The following CAMSAP2 variants were observed in gnomAD, a reference collection of about 807,000 sequenced individuals.
CAMSAP2 encodes the protein calmodulin regulated spectrin associated protein family member 2.
In CAMSAP2, 26 loss-of-function variants were observed where a neutral mutation model predicts 146.1. That is an observed-to-expected ratio of 0.18 (90% CI 0.13 to 0.25). The LOEUF (loss-of-function observed/expected upper bound fraction) is 0.25. Ranked by LOEUF, CAMSAP2 falls within the 10% of genes least tolerant of loss-of-function variation. The pLI is 1.00. For synonymous variants in CAMSAP2, 499 were observed against 596.6 expected (o/e 0.84, Z 2.38); for missense variants, 1,381 against 1,759.3 (o/e 0.78, Z 3.85).
At chr1:200,815,747 T>G (rs1666465380) in intron 4 of CAMSAP2, 103 bp downstream of exon 4, 2 of 538,080 alleles carry the variant, frequency 3.7e-6, no homozygotes, top group African/African-American at 3.9e-5. Context: ...AAATTATTTT[T>G]TAGTGGTGTT....
chr1:200,857,395 A>C lies in CAMSAP2; in HGVS notation c.4102A>C (p.Asn1368His). 1 of 1,613,278 alleles carries C rather than the reference A, an allele frequency of 6.2e-7. No homozygotes were observed. Among genetic ancestry groups the C allele is most frequent in the Non-Finnish European group, 8.5e-7 (1 of 1,179,330 alleles). The change falls in exon 16 of 17, where the codon AAT (asparagine) becomes CAT (histidine). Residue 1368 changes from asparagine (N) to histidine (H), a missense_variant. Transcript: ENST00000358823. The surrounding 1 kb of genome is among the most constrained non-coding windows in gnomAD (Gnocchi z 4.7). ...TCATTGCTGTTTGGCTGGAAAAGTA[A>C]ATGAAGGTCAGAAGAAAAAAATACT... ...LAHCCLAGKV[N>H]EGQKKKILEE...
At chr1:200,854,201 C>T (rs1667693663) in intron 13 of CAMSAP2, among the ~76,000 whole-genome samples, 1 of 152,056 alleles carries the variant, frequency 6.6e-6, no homozygotes, top group Admixed American at 6.6e-5. Flanking sequence ...AGGCTGGTCT[C>T]GAACTCTTGG....
At chr1:200,750,573 A>ATG (rs145051907) in intron 1 of CAMSAP2, among the ~76,000 whole-genome samples, 27,462 of 146,598 alleles carry the variant, frequency 0.19, 3,145 homozygotes, top group East Asian at 0.35. Context: ...AAATGCCTGT[A>ATG]TGTGTGTGTG....
At chr1:200,790,977 T>A (rs1481690754) in intron 2 of CAMSAP2, among the ~76,000 whole-genome samples, 3 of 152,122 alleles carry the variant, frequency 2.0e-5, no homozygotes, top group Non-Finnish European at 4.4e-5. Flanking sequence ...CCCAAATAGC[T>A]GGGATTACAG....
chr1:200,754,235 G>C (rs930292790), intron 1 of CAMSAP2, among the ~76,000 whole-genome samples: 1 of 152,176 alleles, frequency 6.6e-6, no homozygotes, highest in African/African-American at 2.4e-5. Flanking sequence ...AGTTTGATAA[G>C]GTTCAAGTTA....
At chr1:200,757,010 G>T (rs1052845022) in intron 1 of CAMSAP2, among the ~76,000 whole-genome samples, 1 of 152,038 alleles carries the variant, frequency 6.6e-6, no homozygotes, top group Non-Finnish European at 1.5e-5. Context: ...GTACTATGAA[G>T]TTTTAAATGT....
chr1:200,847,270 C>A lies in CAMSAP2; in HGVS notation c.1170C>A (p.Pro390=). 6.2e-7 allele frequency: 1 copy of A among 1,611,798 alleles called. No individual in the cohort carries two copies. Among genetic ancestry groups the A allele is most frequent in the Non-Finnish European group, 8.5e-7 (1 of 1,178,742 alleles). ...HHHLPSRYSR[P]QAHSSASGGI... is the part of the protein sequence containing the mutation. ...ATTTGCCTTCTAGGTATTCACGTCC[C>A]CAGGCTCATTCTTCAGCCTCAGGTA... is the stretch of plus-strand genomic sequence containing the variant. The change falls in exon 9 of 17, where the codon CCC becomes CCA. Residue 390 remains proline, a synonymous_variant. Transcript: ENST00000358823.
At chr1:200,780,643 G>T (rs1394118253) in intron 2 of CAMSAP2, among the ~76,000 whole-genome samples, 1 of 152,128 alleles carries the variant, frequency 6.6e-6, no homozygotes, top group African/African-American at 2.4e-5. Context: ...TGCTAATATG[G>T]TAGTTGCTTG....
chr1:200,841,670 C>T (rs933717041), intron 6 of CAMSAP2, among the ~76,000 whole-genome samples: 2 of 152,092 alleles, frequency 1.3e-5, no homozygotes, highest in African/African-American at 4.8e-5. Context: ...GATTGAATAA[C>T]TTTTTAAGTT....
At chr1:200,774,719 T>G (rs1665224137) in intron 2 of CAMSAP2, among the ~76,000 whole-genome samples, 2 of 152,324 alleles carry the variant, frequency 1.3e-5, no homozygotes, top group South Asian at 2.1e-4. Flanking sequence ...GATCAGAGGC[T>G]ATCGCATTGC....
chr1:200,776,112 T>C (rs1423007213), intron 2 of CAMSAP2, among the ~76,000 whole-genome samples: 2 of 152,208 alleles, frequency 1.3e-5, no homozygotes, highest in Non-Finnish European at 2.9e-5. Context: ...GCCAATCTTA[T>C]TATTTTTTTA....
chr1:200,762,592 A>C (rs1018474346), intron 2 of CAMSAP2, among the ~76,000 whole-genome samples: 1 of 152,226 alleles, frequency 6.6e-6, no homozygotes, highest in Non-Finnish European at 1.5e-5. Context: ...CACATCCATG[A>C]CTTTGTGAAG....
chr1:200,806,494 A>C (rs1666172856), intron 2 of CAMSAP2, among the ~76,000 whole-genome samples: 1 of 152,176 alleles, frequency 6.6e-6, no homozygotes, highest in African/African-American at 2.4e-5. Flanking sequence ...ACCTTTCTAG[A>C]GAGTAGATTA....
chr1:200,772,847 A>G (rs1315726749), intron 2 of CAMSAP2, among the ~76,000 whole-genome samples: 1 of 152,322 alleles, frequency 6.6e-6, no homozygotes, highest in South Asian at 2.1e-4. Flanking sequence ...TCTAATCTCT[A>G]TGGTATACTG....
chr1:200,808,258 C>T (rs1666235399), intron 3 of CAMSAP2, among the ~76,000 whole-genome samples: 2 of 152,108 alleles, frequency 1.3e-5, no homozygotes, highest in South Asian at 4.1e-4. Flanking sequence ...GATTCCTCTT[C>T]TTGGAAATTT....
rs982434276 is a variant in CAMSAP2 at position 200,738,981 on chromosome 1, T to C, written c.-847T>C. ...GCTGAGGGGGAACGATCCAGCGAGC[T>C]GCAGAAAGGGGGGCAGGAAAAAATT... On this transcript the variant is annotated 5_prime_UTR_variant, in exon 1 of 17. Coordinates refer to ENST00000358823, the MANE Select transcript of CAMSAP2 (RefSeq NM_203459.4). 9.3e-5 allele frequency among the ~76,000 whole-genome samples: 14 copies of C among 150,252 alleles called. No homozygotes were observed. Among genetic ancestry groups the C allele is most frequent in the Non-Finnish European group, 1.3e-4 (9 of 67,558 alleles).
At chr1:200,852,226 T>C (rs1354888069) in intron 11 of CAMSAP2, among the ~76,000 whole-genome samples, 2 of 152,220 alleles carry the variant, frequency 1.3e-5, no homozygotes, top group African/African-American at 2.4e-5. Context: ...GGGAACTACC[T>C]ACTGTAAGTT....
intron 1 of CAMSAP2, among the ~76,000 whole-genome samples, chr1:200,743,327 A>G (rs570501819): frequency 6.6e-6 from 1 of 152,316 alleles, no homozygotes; most frequent in Non-Finnish European, 1.5e-5. Context: ...TATCCCATTT[A>G]GTTTAGTGAT....
At chr1:200,768,643 G>A (rs991156043) in intron 2 of CAMSAP2, among the ~76,000 whole-genome samples, 17 of 151,900 alleles carry the variant, frequency 1.1e-4, no homozygotes, top group Non-Finnish European at 1.8e-4. Flanking sequence ...GGTTGAGTGG[G>A]AGAGACTTTT....
Sources: allele counts gnomAD v4.1 joint callset (sites outside exome capture counted in the v4.1 genomes callset), GRCh38; gene constraint gnomAD v4.1.1; non-coding constraint Gnocchi (gnomAD v3.1); transcripts MANE v1.5; gene names NCBI Gene and HGNC (gene_info 2026-07-23, HGNC 2026-07-21).